ZCWPW2: variants seen among roughly 807,000 people sequenced by gnomAD.
The protein encoded by ZCWPW2 is zinc finger CW-type and PWWP domain containing 2, also known as zinc finger CW-type PWWP domain protein 2.
In ZCWPW2, 45 loss-of-function variants were observed where a neutral mutation model predicts 46.6. That is an observed-to-expected ratio of 0.96 (90% CI 0.76 to 1.24). The LOEUF (loss-of-function observed/expected upper bound fraction) is 1.24. Ranked by LOEUF, ZCWPW2 falls within the 50% of genes most tolerant of loss-of-function variation. The pLI is 0.00. For synonymous variants in ZCWPW2, 152 were observed against 137.1 expected, an observed-to-expected ratio of 1.11 and a Z score of -0.76; for missense variants, 429 against 403.9, an observed-to-expected ratio of 1.06 and a Z score of -0.53.
chr3:28,394,954 C>T (rs1695639015), intron 2 of ZCWPW2, among the ~76,000 whole-genome samples: 1 of 152,074 alleles, frequency 6.6e-6, no homozygotes, highest in African/African-American at 2.4e-5. Context: ...AAACAATCAA[C>T]TGAGTGAAAA....
At position 28,397,294 on chromosome 3, in the gene ZCWPW2, C is replaced by T. The variant is rs150002148; in HGVS notation, c.-14+6677C>T. Among the ~76,000 whole-genome samples, 418 of 152,202 alleles carry T rather than the reference C, an allele frequency of 2.7e-3. 1 individual carries two copies. Among genetic ancestry groups the T allele is most frequent in the African/African-American group, 8.7e-3 (360 of 41,536 alleles). On this transcript the variant is annotated intron_variant, in intron 2 of 9. Transcript: ENST00000383768. The stretch of plus-strand genomic sequence containing the variant: ...TCTTAAATACCTTTGTTTTAATGAA[C>T]GCAAAAACTATGTAATATTTTAATT...
intron 5 of ZCWPW2, among the ~76,000 whole-genome samples, chr3:28,482,326 T>C (rs1164632267): frequency 6.6e-6 from 1 of 152,184 alleles, no homozygotes; most frequent in Non-Finnish European, 1.5e-5. Context: ...CATGGCTTGA[T>C]AGATCTTTTT....
chr3:28,397,364 T>C (rs551020483), intron 2 of ZCWPW2, among the ~76,000 whole-genome samples: 2 of 152,148 alleles, frequency 1.3e-5, no homozygotes, highest in South Asian at 4.1e-4. Context: ...AATTCTGCTA[T>C]AACATTTAAA....
In ZCWPW2 at chr3:28,380,706, G is replaced by A. The variant is rs139922064; in HGVS notation, c.-133-9792G>A. Reference sequence around the variant, plus strand: ...GATTATTTAGGTTGAAATCTTAGTAGTCAAACTTGATTAATCTCTTTCCAT... The same window carrying A: ...GATTATTTAGGTTGAAATCTTAGTAATCAAACTTGATTAATCTCTTTCCAT... On this transcript the variant is annotated intron_variant, in intron 1 of 9. Transcript: ENST00000383768. Among the ~76,000 whole-genome samples, 777 of 151,620 alleles carry A rather than the reference G, an allele frequency of 5.1e-3. 3 individuals are homozygous for A. Among genetic ancestry groups the A allele is most frequent in the Middle Eastern group, 0.01 (3 of 286 alleles).
At chr3:28,502,428 C>CT (rs1297262746) in intron 6 of ZCWPW2, among the ~76,000 whole-genome samples, 1 of 151,940 alleles carries the variant, frequency 6.6e-6, no homozygotes, top group Non-Finnish European at 1.5e-5. Context: ...TTGCTTAACC[C>CT]TTTTTTATAT....
chr3:28,513,670 A>G (rs569105106), intron 6 of ZCWPW2, among the ~76,000 whole-genome samples: 1 of 152,152 alleles, frequency 6.6e-6, no homozygotes, highest in African/African-American at 2.4e-5. Flanking sequence ...TTGGGCCCTC[A>G]CTATGTCAGT....
intron 1 of ZCWPW2, among the ~76,000 whole-genome samples, chr3:28,384,725 G>A (rs550930878): frequency 1.5e-4 from 22 of 150,326 alleles, no homozygotes; most frequent in African/African-American, 4.2e-4. Context: ...CAATTCTTCC[G>A]CCTCAGCCTC....
intron 4 of ZCWPW2, among the ~76,000 whole-genome samples, chr3:28,444,372 CA>C (rs750133390): frequency 6.6e-6 from 1 of 152,110 alleles, no homozygotes; most frequent in African/African-American, 2.4e-5. Flanking sequence ...GCAGCTGCAT[CA>C]GGGGAGGCCA....
intron 1 of ZCWPW2, among the ~76,000 whole-genome samples, chr3:28,361,505 G>A (rs1704943191): frequency 6.8e-6 from 1 of 147,440 alleles, no homozygotes; most frequent in South Asian, 2.1e-4. Flanking sequence ...GACACCAAAA[G>A]CACAGGAATA....
intron 2 of ZCWPW2, among the ~76,000 whole-genome samples, chr3:28,397,167 C>A (rs1695735039): frequency 6.6e-6 from 1 of 151,592 alleles, no homozygotes; most frequent in African/African-American, 2.4e-5. Flanking sequence ...AAACTCCTTG[C>A]ATGTGTTGTG....
In ZCWPW2 at chr3:28,516,585, A is replaced by G. The variant is rs554553658; in HGVS notation, c.784+964A>G. ...TTTGCAATGTGGAACTTTGGCAGTC[A>G]TGTTCAAAGCCCATTAAACCCTGAG... On this transcript the variant is annotated intron_variant, in intron 8 of 9. Transcript: ENST00000383768. Among the ~76,000 whole-genome samples the G allele has an allele frequency of 1.6e-3, 238 of 152,314 alleles. 1 individual carries two copies. Among genetic ancestry groups the G allele is most frequent in the Non-Finnish European group, 2.7e-3 (185 of 68,014 alleles).
intron 6 of ZCWPW2, among the ~76,000 whole-genome samples, chr3:28,495,809 A>T (rs6779661): frequency 0.28 from 42,768 of 151,714 alleles, 6,323 homozygotes; most frequent in African/African-American, 0.32. Context: ...GGGGACATTT[A>T]AGAAATTTTT....
chr3:28,361,827 C>A (rs1049872007), intron 1 of ZCWPW2, among the ~76,000 whole-genome samples: 7 of 151,930 alleles, frequency 4.6e-5, no homozygotes, highest in Non-Finnish European at 8.8e-5. Flanking sequence ...TGAGCTGTAC[C>A]CTCATACCTG....
chr3:28,348,811 C>T lies in ZCWPW2; in HGVS notation c.-526C>T. The T allele has an allele frequency of 1.0e-5, 3 of 295,342 alleles. No individual in the cohort carries two copies. Among genetic ancestry groups the T allele is most frequent in the Non-Finnish European group, 1.5e-5 (3 of 198,732 alleles). 18.3% of individuals were successfully genotyped at this position (295,342 alleles called of 1,614,324 possible). ...CTTCTGACTCGGCAGGAGCCCGGGA[C>T]GTTCTGGAAGGAGGGACGAGCCGAG... is the stretch of plus-strand genomic sequence containing the variant. On this transcript the variant is annotated 5_prime_UTR_variant, in exon 1 of 10. The change creates a new upstream start codon in the 5' untranslated region. Transcript: ENST00000383768.
In ZCWPW2 at chr3:28,513,471, C is replaced by T. The variant is rs376235875; in HGVS notation, c.658-593C>T. ...GTACTACCTTATTGCTTTTGTGTCC[C>T]GGTGAGTGAAGTTTTTCCTATTTTC... is the stretch of plus-strand genomic sequence containing the variant. On this transcript the variant is annotated intron_variant, in intron 6 of 9. Transcript: ENST00000383768. Among the ~76,000 whole-genome samples the T allele has an allele frequency of 1.1e-4, 16 of 152,092 alleles. No individual in the cohort carries two copies. The East Asian group carries it at 2.5e-3, about 24-fold the overall frequency.
At chr3:28,363,485 C>T (rs1705014372) in intron 1 of ZCWPW2, among the ~76,000 whole-genome samples, 1 of 152,114 alleles carries the variant, frequency 6.6e-6, no homozygotes, top group African/African-American at 2.4e-5. Context: ...CTTTTATATT[C>T]TGATGCTTTG....
At chr3:28,400,248 C>A (rs1422529293) in intron 2 of ZCWPW2, among the ~76,000 whole-genome samples, 7 of 151,686 alleles carry the variant, frequency 4.6e-5, no homozygotes, top group Non-Finnish European at 1.0e-4. Flanking sequence ...ACAACAACAA[C>A]AAAAAAGAAA....
chr3:28,447,828 C>A (rs1698057315), intron 4 of ZCWPW2: 2 of 1,033,478 alleles, frequency 1.9e-6, no homozygotes, highest in African/African-American at 1.6e-5. Flanking sequence ...TACCTTTATA[C>A]AAAGAAGGTT....
intron 4 of ZCWPW2, among the ~76,000 whole-genome samples, chr3:28,437,307 C>T (rs1229805406): frequency 1.3e-5 from 2 of 152,248 alleles, no homozygotes; most frequent in South Asian, 2.1e-4. Flanking sequence ...TCATTTTCCT[C>T]TAAATTAATT....
Sources: allele counts gnomAD v4.1 joint callset (sites outside exome capture counted in the v4.1 genomes callset), GRCh38; gene constraint gnomAD v4.1.1; transcripts MANE v1.5; gene names NCBI Gene and HGNC (gene_info 2026-07-23, HGNC 2026-07-21).